The following CADM2 variants were observed in gnomAD, a reference collection of about 807,000 sequenced individuals.
CADM2 encodes the protein immunoglobulin superfamily member 4D.
In CADM2, 12 loss-of-function variants were observed where a neutral mutation model predicts 49.8. That is an observed-to-expected ratio of 0.24 (90% confidence interval 0.15 to 0.39). The LOEUF is 0.39. Ranked by LOEUF, CADM2 falls within the 10% of genes least tolerant of loss-of-function variation. CADM2 has a pLI of 1.00. For missense variants in CADM2, 378 were observed against 492.3 expected (o/e 0.77, Z 2.20); for synonymous variants, 214 against 175.4 (o/e 1.22, Z -1.74).
At chr3:85,577,763 T>C (rs2062677021) in intron 1 of CADM2, among the ~76,000 whole-genome samples, 1 of 152,160 alleles carries the variant, frequency 6.6e-6, no homozygotes, top group Non-Finnish European at 1.5e-5. Flanking sequence ...TTTTTATTGT[T>C]GTTTTATTTT....
intron 1 of CADM2, among the ~76,000 whole-genome samples, chr3:85,158,841 T>G (rs1483082003): frequency 6.6e-6 from 1 of 151,706 alleles, no homozygotes; most frequent in Non-Finnish European, 1.5e-5. Flanking sequence ...TAAAGTATAA[T>G]GATAATAAAT....
intron 1 of CADM2, among the ~76,000 whole-genome samples, chr3:85,423,163 T>C (rs2036252604): frequency 6.6e-6 from 1 of 152,012 alleles, no homozygotes; most frequent in Non-Finnish European, 1.5e-5. Context: ...CCAGACAAAC[T>C]CCTCTTGATG....
intron 1 of CADM2, among the ~76,000 whole-genome samples, chr3:85,635,679 A>C (rs2064449820): frequency 6.7e-6 from 1 of 149,536 alleles, no homozygotes; most frequent in Non-Finnish European, 1.5e-5. Flanking sequence ...TTAGGACATA[A>C]AAAAATTTAG....
At position 85,317,071 on chromosome 3, in the gene CADM2, A is replaced by G. The variant is rs576553586; in HGVS notation, c.61+357403A>G. Among the ~76,000 whole-genome samples, 9 of 152,280 alleles carry G rather than the reference A, an allele frequency of 5.9e-5. 1 individual carries two copies. Among genetic ancestry groups the G allele is most frequent in the Non-Finnish European group, 8.8e-5 (6 of 68,030 alleles). ...GTACCATGGAGATGTGGCAAGAAAT[A>G]CACTGTGGTCATAATGAAGCTTGTC... is the stretch of plus-strand genomic sequence containing the variant. On this transcript the variant is annotated intron_variant, in intron 1 of 9. Transcript: ENST00000383699.
At chr3:85,239,544 C>T (rs1374670854) in intron 1 of CADM2, among the ~76,000 whole-genome samples, 3 of 151,380 alleles carry the variant, frequency 2.0e-5, no homozygotes, top group African/African-American at 7.3e-5. Flanking sequence ...AATACTAAAT[C>T]TACATCAAAT....
At chr3:85,019,962 A>G (rs1239911665) in intron 1 of CADM2, among the ~76,000 whole-genome samples, 1 of 152,158 alleles carries the variant, frequency 6.6e-6, no homozygotes, top group Non-Finnish European at 1.5e-5. Context: ...GAATCTCCCC[A>G]TTCCAATCCC....
At chr3:85,506,575 T>A (rs2040362493) in intron 1 of CADM2, among the ~76,000 whole-genome samples, 1 of 152,148 alleles carries the variant, frequency 6.6e-6, no homozygotes, top group Non-Finnish European at 1.5e-5. Flanking sequence ...TTTTTTTTAT[T>A]TTTTTAAGAG....
chr3:85,225,521 G>A (rs1161454001), intron 1 of CADM2, among the ~76,000 whole-genome samples: 1 of 152,130 alleles, frequency 6.6e-6, no homozygotes, highest in Non-Finnish European at 1.5e-5. Context: ...ATGGGGTTTT[G>A]TAAATATACA....
At chr3:85,124,837 G>T (rs554233017) in intron 1 of CADM2, among the ~76,000 whole-genome samples, 1 of 152,084 alleles carries the variant, frequency 6.6e-6, no homozygotes, top group Non-Finnish European at 1.5e-5. Flanking sequence ...ATTAAACACT[G>T]TACCAAAGTT....
chr3:85,408,351 TA>T (rs2035497771), intron 1 of CADM2, among the ~76,000 whole-genome samples: 1 of 152,202 alleles, frequency 6.6e-6, no homozygotes, highest in Non-Finnish European at 1.5e-5. Flanking sequence ...AACTTCAACA[TA>T]AAAGCCAGGT....
intron 1 of CADM2, among the ~76,000 whole-genome samples, chr3:85,090,848 G>A (rs2037568668): frequency 6.6e-6 from 1 of 152,122 alleles, no homozygotes; most frequent in Admixed American, 6.6e-5. Flanking sequence ...GATGATCTGA[G>A]GTGGAACACT....
chr3:85,565,845 T>C (rs2062238344), intron 1 of CADM2, among the ~76,000 whole-genome samples: 1 of 151,466 alleles, frequency 6.6e-6, no homozygotes, highest in East Asian at 2.0e-4. Flanking sequence ...TACATTTAAA[T>C]AACTCCTAAA....
rs116028428 is a variant in CADM2, at chr3:85,393,688, C to T, written c.62-332834C>T. Among the ~76,000 whole-genome samples, 1,116 of 152,096 alleles carry T rather than the reference C, an allele frequency of 7.3e-3. 13 individuals are homozygous for T. Among genetic ancestry groups the T allele is most frequent in the African/African-American group, 0.024 (1,003 of 41,500 alleles). On this transcript the variant is annotated intron_variant, in intron 1 of 9. Coordinates refer to ENST00000383699, the MANE Select transcript of CADM2 (RefSeq NM_001167675.2). ...CTTTAAAGTGCTTCTTTTAATGGAGCCCTCTGATACTAACCTTGTAAGATT... is the reference window on the plus strand; with the variant it reads ...CTTTAAAGTGCTTCTTTTAATGGAGTCCTCTGATACTAACCTTGTAAGATT...
At chr3:85,391,522 G>A (rs2034517765) in intron 1 of CADM2, among the ~76,000 whole-genome samples, 1 of 149,490 alleles carries the variant, frequency 6.7e-6, no homozygotes, top group African/African-American at 2.4e-5. Flanking sequence ...GGCAGAGACC[G>A]AAGACTCATA....
At chr3:85,677,719 T>C (rs2065925124) in intron 1 of CADM2, among the ~76,000 whole-genome samples, 1 of 152,188 alleles carries the variant, frequency 6.6e-6, no homozygotes, top group South Asian at 2.1e-4. Context: ...TCTCACAAAG[T>C]ATCTTTAAAG....
chr3:85,905,710 C>T (rs951839331), intron 5 of CADM2, among the ~76,000 whole-genome samples: 1 of 152,144 alleles, frequency 6.6e-6, no homozygotes, highest in Middle Eastern at 3.4e-3. Context: ...TTAATCTAAT[C>T]TTTATTTTAT....
At chr3:85,258,165 G>C (rs1194168754) in intron 1 of CADM2, among the ~76,000 whole-genome samples, 1 of 152,018 alleles carries the variant, frequency 6.6e-6, no homozygotes, top group South Asian at 2.1e-4. Context: ...ATTATATGCA[G>C]CACTGATTAT....
chr3:85,622,619 A>G (rs1175730690), intron 1 of CADM2, among the ~76,000 whole-genome samples: 5 of 152,096 alleles, frequency 3.3e-5, no homozygotes, highest in Admixed American at 2.0e-4. Flanking sequence ...TTTCTTAACC[A>G]TCTTTTCCCC....
intron 1 of CADM2, among the ~76,000 whole-genome samples, chr3:85,340,834 G>A (rs1190670549): frequency 6.6e-6 from 1 of 151,512 alleles, no homozygotes; most frequent in Non-Finnish European, 1.5e-5. Flanking sequence ...TATCTCTGAA[G>A]AATAATCTTC....
Sources: allele counts gnomAD v4.1 joint callset (sites outside exome capture counted in the v4.1 genomes callset), GRCh38; gene constraint gnomAD v4.1.1; transcripts MANE v1.5; gene names NCBI Gene and HGNC (gene_info 2026-07-23, HGNC 2026-07-21).